GPATCH8: variants seen among roughly 807,000 people sequenced by gnomAD.
The protein encoded by GPATCH8 is G-patch domain containing 8.
A neutral mutation model predicts 118.3 loss-of-function variants in GPATCH8; 18 were observed. The observed-to-expected ratio is 0.15, with a 90% CI of 0.11 to 0.23. The LOEUF is 0.23. Ranked by LOEUF, GPATCH8 falls within the 10% of genes least tolerant of loss-of-function variation. GPATCH8 has a pLI of 1.00. For synonymous variants in GPATCH8, 659 were observed against 684.7 expected (o/e 0.96, Z 0.59); for missense variants, 1,631 against 1,873.8 (o/e 0.87, Z 2.39).
At chr17:44,411,890 C>A (rs2049447404) in intron 6 of GPATCH8, among the ~76,000 whole-genome samples, 1 of 152,028 alleles carries the variant, frequency 6.6e-6, no homozygotes, top group South Asian at 2.1e-4. Flanking sequence ...GACAGGAGTC[C>A]AAGACCAGTC....
At chr17:44,407,312 A>G (rs2049268732) in intron 6 of GPATCH8, 2 of 152,206 alleles carry the variant, frequency 1.3e-5, no homozygotes, top group Admixed American at 1.3e-4. Flanking sequence ...AAATAAAACA[A>G]GAGTGGAAGA....
intron 6 of GPATCH8, 86 bp downstream of exon 6, chr17:44,424,263 C>T: frequency 2.2e-6 from 2 of 929,078 alleles, no homozygotes; most frequent in African/African-American, 1.6e-5. Flanking sequence ...TCATAGACAC[C>T]AAGTTTTGGG....
intron 3 of GPATCH8, among the ~76,000 whole-genome samples, chr17:44,454,398 C>T (rs1326101146): frequency 6.6e-6 from 1 of 152,210 alleles, no homozygotes; most frequent in Non-Finnish European, 1.5e-5. Flanking sequence ...GCTAGGACTA[C>T]AGGCACATGC....
intron 2 of GPATCH8, 158 bp downstream of exon 2, chr17:44,474,671 C>T (rs751065134): frequency 1.4e-6 from 1 of 696,868 alleles, no homozygotes; most frequent in South Asian, 1.5e-5. Flanking sequence ...TATTAGATTA[C>T]ATCCCAAGCT....
chr17:44,437,845 T>C (rs1240653124), intron 3 of GPATCH8, among the ~76,000 whole-genome samples: 1 of 151,486 alleles, frequency 6.6e-6, no homozygotes, highest in Non-Finnish European at 1.5e-5. Flanking sequence ...ATGTATCCTA[T>C]TATTGTTTTT....
intron 6 of GPATCH8, among the ~76,000 whole-genome samples, chr17:44,418,137 AAGAG>A (rs769572040): frequency 1.1e-3 from 166 of 151,684 alleles, no homozygotes; most frequent in Non-Finnish European, 1.8e-3. Flanking sequence ...AAAAGAGAGA[AAGAG>A]AGAGAGAGAA....
In GPATCH8 at chr17:44,401,056, G is replaced by C; in HGVS notation, c.1021C>G (p.Gln341Glu). 6.2e-7 allele frequency: 1 copy of C among 1,614,062 alleles called. No homozygotes were observed. Among genetic ancestry groups the C allele is most frequent in the Non-Finnish European group, 8.5e-7 (1 of 1,180,016 alleles). Residue 341 changes from glutamine to glutamate, a missense_variant, in exon 8 of 8, where the codon CAA becomes GAA. Transcript: ENST00000591680. ...GTKPDEKSSDQGLQKVGDSDG... is the reference protein window; with the variant it reads ...GTKPDEKSSDEGLQKVGDSDG... ...GAGTCTCCTACCTTCTGCAGTCCTTGGTCAGAACTCTTCTCATCGGGTTTT... is the reference window on the plus strand; with the variant it reads ...GAGTCTCCTACCTTCTGCAGTCCTTCGTCAGAACTCTTCTCATCGGGTTTT...
intron 3 of GPATCH8, among the ~76,000 whole-genome samples, chr17:44,442,120 T>C (rs35696903): frequency 1.6e-5 from 2 of 126,310 alleles, no homozygotes; most frequent in Non-Finnish European, 3.5e-5. Context: ...TATATATATA[T>C]ATAGAGAGAG....
chr17:44,479,472 A>C (rs1968037320), intron 1 of GPATCH8, among the ~76,000 whole-genome samples: 1 of 152,236 alleles, frequency 6.6e-6, no homozygotes, highest in East Asian at 1.9e-4. Context: ...TAACGGTGCT[A>C]GAACTAGGTG....
chr17:44,398,732 G>A lies in GPATCH8; in HGVS notation c.3345C>T (p.Thr1115=), dbSNP rs2048880030. 1.2e-6 allele frequency: 2 copies of A among 1,610,978 alleles called. No homozygotes were observed. The highest frequency in any genetic ancestry group is 2.7e-5 in the African/African-American group (2 of 74,890). ...KPSVSEEVQA[T]PNKAGPKLKD... Reference sequence around the variant, plus strand: ...TGAGCTTGGGCCCAGCTTTATTAGGGGTGGCCTGCACCTCCTCACTCACAC... The same window carrying A: ...TGAGCTTGGGCCCAGCTTTATTAGGAGTGGCCTGCACCTCCTCACTCACAC... Residue 1115 remains threonine, a synonymous_variant, in exon 8 of 8, where the codon ACC becomes ACT. Transcript: ENST00000591680.
intron 6 of GPATCH8, among the ~76,000 whole-genome samples, chr17:44,409,900 C>G (rs1044885491): frequency 2.0e-5 from 3 of 152,180 alleles, no homozygotes; most frequent in Non-Finnish European, 4.4e-5. Context: ...GTGAATAATT[C>G]AGTTCAAACA....
intron 1 of GPATCH8, among the ~76,000 whole-genome samples, chr17:44,494,884 T>C (rs1969545186): frequency 6.6e-6 from 1 of 152,250 alleles, no homozygotes; most frequent in Non-Finnish European, 1.5e-5. Context: ...TTTTTCCCTA[T>C]GCCCAATCAT....
intron 2 of GPATCH8, among the ~76,000 whole-genome samples, chr17:44,468,865 A>C (rs895895835): frequency 1.3e-5 from 2 of 152,174 alleles, no homozygotes; most frequent in Non-Finnish European, 2.9e-5. Context: ...TTAATAAATA[A>C]GGCAAAGCTT....
At position 44,414,346 on chromosome 17, in the gene GPATCH8, C is replaced by G. The variant is rs567489317; in HGVS notation, c.493-8295G>C. On this transcript the variant is annotated intron_variant, in intron 6 of 7. Coordinates refer to ENST00000591680, the MANE Select transcript of GPATCH8 (RefSeq NM_001002909.4). ...TTTTGGAGACAGGGTTTTGCTTTGT[C>G]ACTGCACTGGAGAGCAGTGGCACAA... 3.3e-5 allele frequency among the ~76,000 whole-genome samples: 5 copies of G among 151,862 alleles called. No homozygotes were observed. The East Asian group carries it at 9.7e-4, about 29-fold the overall frequency.
intron 2 of GPATCH8, among the ~76,000 whole-genome samples, chr17:44,472,587 G>A (rs1967376793): frequency 6.6e-6 from 1 of 152,216 alleles, no homozygotes; most frequent in African/African-American, 2.4e-5. Flanking sequence ...ATTATAGCTT[G>A]TGTAAGACAA....
chr17:44,417,019 T>G (rs1338978785), intron 6 of GPATCH8, among the ~76,000 whole-genome samples: 1 of 152,230 alleles, frequency 6.6e-6, no homozygotes, highest in South Asian at 2.1e-4. Flanking sequence ...TACTGAATCC[T>G]ACAGTTAAAG....
chr17:44,455,011 A>C (rs2051271992), intron 3 of GPATCH8, among the ~76,000 whole-genome samples: 1 of 152,182 alleles, frequency 6.6e-6, no homozygotes, highest in African/African-American at 2.4e-5. Flanking sequence ...GTGTATAACT[A>C]AGCTTTTCTG....
chr17:44,399,357 C>G lies in GPATCH8; in HGVS notation c.2720G>C (p.Arg907Pro). 6.2e-7 allele frequency: 1 copy of G among 1,614,110 alleles called. No individual in the cohort carries two copies. Among genetic ancestry groups the G allele is most frequent in the African/African-American group, 1.3e-5 (1 of 75,028 alleles). Residue 907 changes from arginine to proline, a missense_variant, in exon 8 of 8, where the codon CGC becomes CCC. Physicochemically the swap from Arg to Pro is moderately radical, Grantham distance 103. Around this residue, in one of 8 missense-constraint regions of GPATCH8, gnomAD observed 922 missense variants for 879.7 expected, o/e 1.05. Coordinates refer to ENST00000591680, the MANE Select transcript of GPATCH8 (RefSeq NM_001002909.4). ...GTCTGAGTCATCTGAGTCATGGGAG[C>G]GCTTGGAGTGCCTTCGTGATCTGTC... is the stretch of plus-strand genomic sequence containing the variant. ...YSDRSRRHSK[R>P]SHDSDDSDYA...
chr17:44,500,727 T>C (rs543576456), intron 1 of GPATCH8, among the ~76,000 whole-genome samples: 2 of 152,342 alleles, frequency 1.3e-5, no homozygotes, highest in African/African-American at 2.4e-5. Flanking sequence ...CTACAAGATC[T>C]GTTGAAAGCA....
Sources: gnomAD v4.1 joint callset for allele counts (sites outside exome capture counted in the v4.1 genomes callset) on GRCh38, gnomAD v4.1.1 for gene constraint, gnomAD v4.1.1 regional missense constraint, MANE v1.5 for transcripts, NCBI Gene and HGNC (gene_info 2026-07-23, HGNC 2026-07-21) for gene names.